The following KEL variants were observed in gnomAD, a reference collection of about 807,000 sequenced individuals.
The protein encoded by KEL is kell blood group glycoprotein.
In KEL, 96 loss-of-function variants were observed where a neutral mutation model predicts 99.5. That is an observed-to-expected ratio of 0.97 (90% confidence interval 0.82 to 1.14). KEL has a LOEUF of 1.14. Ranked by LOEUF, KEL falls within the 50% of genes most tolerant of loss-of-function variation. The probability of loss-of-function intolerance (pLI) is 0.00; values close to 1 mark genes in which losing one functional copy is unlikely to be tolerated. For synonymous variants in KEL, 355 were observed against 354.8 expected (o/e 1.00, Z -0.01); for missense variants, 926 against 924.2 (o/e 1.00, Z -0.03).
Position 142,954,198 on chromosome 7 carries a change from TA to T in KEL, c.909del (p.Ile304SerfsTer26). 3 of 1,610,986 alleles carry T rather than the reference TA, an allele frequency of 1.9e-6. No homozygotes were observed. The highest frequency in any genetic ancestry group is 2.5e-6 in the Non-Finnish European group (3 of 1,179,964). On this transcript the variant is annotated frameshift_variant, in exon 8 of 19. Transcript: ENST00000355265. LOFTEE classifies it high-confidence loss of function. ...RAQGKLFQMV[T>X]IDQLKEMAPA... ...GTTCCAGGCACCTTGAGCTGGTCGA[TA>T]GTGACCATCTGGAAGAGCTTGCCCT...
rs1352636184 is a variant in KEL at position 142,962,346 on chromosome 7, C to A, written c.-140G>T. 11 of 967,098 alleles carry A rather than the reference C, an allele frequency of 1.1e-5. No homozygotes were observed. In the Admixed American group the frequency reaches 1.5e-4, roughly 13 times the overall value. 59.9% of individuals were successfully genotyped at this position (967,098 alleles called of 1,614,324 possible). On this transcript the variant is annotated 5_prime_UTR_variant, in exon 1 of 19. Transcript: ENST00000355265. ...CACTTCTGCTGCTCTTTCGCCTTGT[C>A]CCCAGACACACAGGACTGGCCTCTG...
rs1018901013 is a variant in KEL, at chr7:142,962,273, G to A, written c.-67C>T. The A allele has an allele frequency of 6.3e-7, 1 of 1,596,850 alleles. No homozygotes were observed. Among genetic ancestry groups the A allele is most frequent in the Non-Finnish European group, 8.6e-7 (1 of 1,164,528 alleles). Reference sequence around the variant, plus strand: ...TCTAGGAGCTGATTCGGAGGACTGGGGTCCAGGAAACACCCCCCGCCCCAG... The same window carrying A: ...TCTAGGAGCTGATTCGGAGGACTGGAGTCCAGGAAACACCCCCCGCCCCAG... On this transcript the variant is annotated 5_prime_UTR_variant, in exon 1 of 19. Coordinates refer to ENST00000355265, the MANE Select transcript of KEL (RefSeq NM_000420.3).
intron 10 of KEL, chr7:142,946,690 G>T (rs749288990): frequency 3.2e-6 from 1 of 313,628 alleles, no homozygotes; most frequent in Non-Finnish European, 6.0e-6. Flanking sequence ...CTACTCCGGG[G>T]TCCCAGCAAT....
At chr7:142,952,093 T>C (rs1399230713) in intron 10 of KEL, among the ~76,000 whole-genome samples, 1 of 152,074 alleles carries the variant, frequency 6.6e-6, no homozygotes, top group Non-Finnish European at 1.5e-5. Context: ...TGAAGCACGT[T>C]TGAACATGGA....
At chr7:142,961,583 T>C (rs1796961209) in intron 2 of KEL, 82 bp from the exon 3 acceptor site, 26 of 1,476,184 alleles carry the variant, frequency 1.8e-5, no homozygotes, top group Non-Finnish European at 2.4e-5. Flanking sequence ...AGAATGAATC[T>C]GTTGGTGCTA....
At chr7:142,946,782 T>C (rs942901440) in intron 10 of KEL, among the ~76,000 whole-genome samples, 4 of 152,114 alleles carry the variant, frequency 2.6e-5, no homozygotes, top group African/African-American at 9.7e-5. Flanking sequence ...CTTTATCCTC[T>C]CTCCAGGTGG....
In KEL at chr7:142,954,125, G is replaced by T. The variant is rs1796762249; in HGVS notation, c.924+59C>A. 3.4e-6 allele frequency: 5 copies of T among 1,487,962 alleles called. No individual in the cohort carries two copies. The Admixed American group carries it at 5.1e-5, about 15-fold the overall frequency. 92.2% of individuals were successfully genotyped at this position (1,487,962 alleles called of 1,614,324 possible). A position where few individuals can be genotyped will look rare whatever the true frequency, so the allele number is the denominator to read the frequency against. ...GCACTAGGAGGAAGAAGGAAAGGAG[G>T]TAATGTTTGAGAGGAAGATCCCCAT... On this transcript the variant is annotated intron_variant, in intron 8 of 18. Coordinates refer to ENST00000355265, the MANE Select transcript of KEL (RefSeq NM_000420.3).
In KEL at chr7:142,961,817, A is replaced by G; in HGVS notation, c.59T>C (p.Met20Thr). The G allele has an allele frequency of 1.2e-6, 2 of 1,614,054 alleles. No homozygotes were observed. Among genetic ancestry groups the G allele is most frequent in the Non-Finnish European group, 1.7e-6 (2 of 1,180,000 alleles). Reference sequence around the variant, plus strand: ...TACCTCTTGGCTCCAGAGAGTTCCCATTCCACCTGCCTGGCTGCGTTCCCT... The same window carrying G: ...TACCTCTTGGCTCCAGAGAGTTCCCGTTCCACCTGCCTGGCTGCGTTCCCT... ...EPRERSQAGG[M>T]GTLWSQESTP... Residue 20 changes from methionine (M) to threonine (T), a missense_variant, in exon 2 of 19, where the codon ATG becomes ACG. By Grantham distance (81) the Met-to-Thr change is moderately conservative. Transcript: ENST00000355265.
chr7:142,942,636 C>A, intron 17 of KEL, 107 bp from the exon 18 acceptor site: 2 of 912,746 alleles, frequency 2.2e-6, no homozygotes. Context: ...ACTGGTTCTG[C>A]ACTGACTAGT....
At chr7:142,956,651 C>T (rs536193020) in intron 6 of KEL, among the ~76,000 whole-genome samples, 45 of 152,208 alleles carry the variant, frequency 3.0e-4, no homozygotes, top group African/African-American at 9.9e-4. Flanking sequence ...TTTCCAACGC[C>T]CCATAGCTTC....
chr7:142,957,769 T>G (rs1022271896), intron 6 of KEL, 58 bp downstream of exon 6: 1 of 1,604,540 alleles, frequency 6.2e-7, no homozygotes, highest in South Asian at 1.1e-5. Context: ...TAAGGGATGA[T>G]TGGCTAGAGT....
chr7:142,961,712 T>C, intron 2 of KEL, 83 bp downstream of exon 2: 1 of 1,325,942 alleles, frequency 7.5e-7, no homozygotes, highest in Non-Finnish European at 1.1e-6. Context: ...AAGCAGACAG[T>C]TAGTAGATGA....
At chr7:142,946,525 G>A (rs1796534883) in intron 10 of KEL, 1 of 608,620 alleles carries the variant, frequency 1.6e-6, no homozygotes, top group South Asian at 2.0e-5. Context: ...CATGAGCCTG[G>A]CTGAGTAAAT....
intron 2 of KEL, 40 bp from the exon 3 acceptor site, chr7:142,961,541 G>T (rs773489030): frequency 1.9e-6 from 3 of 1,569,050 alleles, no homozygotes; most frequent in Non-Finnish European, 1.7e-6. Context: ...CAAGATGGGG[G>T]TTGAGAGACA....
At chr7:142,946,465 G>A (rs1586253382) in intron 10 of KEL, 148 bp from the exon 11 acceptor site, 2 of 694,062 alleles carry the variant, frequency 2.9e-6, no homozygotes, top group East Asian at 5.4e-5. Flanking sequence ...TTAGGGTGAT[G>A]CACATCACCG....
Position 142,957,973 on chromosome 7 carries a change from G to A in KEL, c.526C>T (p.Leu176Phe), listed in dbSNP as rs781349864. The stretch of plus-strand genomic sequence containing the variant: ...TTACCAGAGATGCGCCAGCCTCCAA[G>A]CTTTAAAGGAGAGAGAGGGGGCTGA... The part of the protein sequence containing the change: ...TGPLRQVIEE[L>F]GGWRISGKWT... Residue 176 changes from leucine to phenylalanine, a missense_variant and splice_region_variant, in exon 6 of 19, where the codon CTT becomes TTT. Transcript: ENST00000355265. The A allele has an allele frequency of 1.2e-6, 2 of 1,613,734 alleles. No homozygotes were observed. The highest frequency in any genetic ancestry group is 1.7e-6 in the Non-Finnish European group (2 of 1,179,896).
intron 13 of KEL, 106 bp downstream of exon 13, chr7:142,944,217 G>A: frequency 3.2e-6 from 3 of 931,562 alleles, no homozygotes; most frequent in Admixed American, 3.5e-5. Flanking sequence ...TAAGGACAGA[G>A]CTAAGTCACC....
Position 142,943,872 on chromosome 7 carries a change from T to A in KEL, c.1503A>T (p.Gly501=). Reference sequence around the variant, plus strand: ...TCAGGACAGACTGCAGGAAGCTCGATCCAAGCTGTATCTGGGGAAGAGGCA... The same window carrying A: ...TCAGGACAGACTGCAGGAAGCTCGAACCAAGCTGTATCTGGGGAAGAGGCA... ...ARQEYNDIQL[G]SSFLQSVLSC... Residue 501 remains glycine, a synonymous_variant, in exon 14 of 19, where the codon GGA becomes GGT. Transcript: ENST00000355265. 6.2e-7 allele frequency: 1 copy of A among 1,613,984 alleles called. No individual in the cohort carries two copies. Among genetic ancestry groups the A allele is most frequent in the Non-Finnish European group, 8.5e-7 (1 of 1,179,948 alleles).
At chr7:142,950,616 A>G (rs949224269) in intron 10 of KEL, among the ~76,000 whole-genome samples, 1 of 152,226 alleles carries the variant, frequency 6.6e-6, no homozygotes, top group Non-Finnish European at 1.5e-5. Context: ...TGGGAACTCC[A>G]AGAATATCTG....
Sources: gnomAD v4.1 joint callset for allele counts (sites outside exome capture counted in the v4.1 genomes callset) on GRCh38, gnomAD v4.1.1 for gene constraint, MANE v1.5 for transcripts, NCBI Gene and HGNC (gene_info 2026-07-23, HGNC 2026-07-21) for gene names.